Variants in FAM135A observed in about 807,000 individuals in gnomAD.
FAM135A encodes the protein family with sequence similarity 135 member A.
A neutral mutation model predicts 146.8 loss-of-function variants in FAM135A; 79 were observed. The ratio of observed to expected loss-of-function variants is 0.54; its 90% CI spans 0.45 to 0.65. FAM135A has a LOEUF of 0.65. Among genes scored for constraint, FAM135A ranks in the 30% least tolerant of loss-of-function variants. The pLI, the probability that FAM135A is intolerant of heterozygous loss-of-function variation, is 0.00. For missense variants in FAM135A, 1,623 were observed against 1,758.2 expected, an observed-to-expected ratio of 0.92 and a Z score of 1.38; for synonymous variants, 562 against 603.6, an observed-to-expected ratio of 0.93 and a Z score of 1.01.
At chr6:70,490,713 AAT>A (rs954305111) in intron 10 of FAM135A, among the ~76,000 whole-genome samples, 1 of 152,074 alleles carries the variant, frequency 6.6e-6, no homozygotes, top group African/African-American at 2.4e-5. Flanking sequence ...GAAATTATAA[AAT>A]ATGAAATACA....
chr6:70,429,998 A>G (rs1477664673), intron 4 of FAM135A, among the ~76,000 whole-genome samples: 1 of 152,030 alleles, frequency 6.6e-6, no homozygotes, highest in Non-Finnish European at 1.5e-5. Context: ...ATTTCTTAGC[A>G]GGCCAGCCTG....
intron 7 of FAM135A, 38 bp downstream of exon 7, chr6:70,475,771 A>C: frequency 6.8e-7 from 1 of 1,474,348 alleles, no homozygotes; most frequent in Non-Finnish European, 9.4e-7. Flanking sequence ...TTAGGCACTT[A>C]TGACTGTTAT....
At chr6:70,435,614 G>A (rs544624021) in intron 4 of FAM135A, among the ~76,000 whole-genome samples, 7 of 151,748 alleles carry the variant, frequency 4.6e-5, no homozygotes, top group South Asian at 2.1e-4. Context: ...CCACCTCCCC[G>A]GATCAAGCAA....
chr6:70,423,124 C>T lies in FAM135A; in HGVS notation c.-133-3315C>T, dbSNP rs533256063. On this transcript the variant is annotated intron_variant, in intron 2 of 21. Coordinates refer to ENST00000418814, the MANE Select transcript of FAM135A (RefSeq NM_001162529.3). ...GAGAGAAGAATGTTCCAGGGAACAA[C>T]GAGTGCAGAGGCCCTGAGACAGGAA... Among the ~76,000 whole-genome samples, 69 of 152,098 alleles carry T rather than the reference C, an allele frequency of 4.5e-4. 1 individual carries two copies. In the South Asian group the frequency reaches 0.013, roughly 28 times the overall value.
In FAM135A at chr6:70,479,155, A is replaced by G. The variant is rs1783211937; in HGVS notation, c.543-1746A>G. On this transcript the variant is annotated intron_variant, in intron 8 of 21. Transcript: ENST00000418814. ...ACTAGCTGTGTTTCTTTCCTGCAAA[A>G]TGCACAAACAATTCATAGGAGGTTA... Among the ~76,000 whole-genome samples, 3 of 152,186 alleles carry G rather than the reference A, an allele frequency of 2.0e-5. No homozygotes were observed. In the South Asian group the frequency reaches 6.2e-4, roughly 31 times the overall value.
chr6:70,417,614 G>T, intron 2 of FAM135A: 1 of 985,208 alleles, frequency 1.0e-6, no homozygotes, highest in African/African-American at 1.7e-5. Context: ...AAATACCCTT[G>T]AAGTTGCCTA....
chr6:70,449,556 A>G (rs1776587789), intron 4 of FAM135A, among the ~76,000 whole-genome samples: 1 of 152,152 alleles, frequency 6.6e-6, no homozygotes. Context: ...CTCTAGGTTC[A>G]TTCATGTTGT....
intron 12 of FAM135A, among the ~76,000 whole-genome samples, chr6:70,508,503 G>T (rs1299154208): frequency 1.3e-5 from 2 of 152,064 alleles, no homozygotes; most frequent in African/African-American, 4.8e-5. Context: ...ATTGTAACTT[G>T]TGTCTGGAAT....
chr6:70,417,649 A>G, intron 2 of FAM135A: 4 of 984,898 alleles, frequency 4.1e-6, no homozygotes, highest in Non-Finnish European at 3.6e-6. Context: ...TTCATTCATG[A>G]TTGTTTTTAG....
intron 5 of FAM135A, among the ~76,000 whole-genome samples, chr6:70,470,424 G>A (rs567850764): frequency 2.0e-5 from 3 of 152,098 alleles, no homozygotes; most frequent in South Asian, 2.1e-4. Context: ...GCACAATCTC[G>A]GCTCACTCTG....
At chr6:70,446,708 A>G (rs893589664) in intron 4 of FAM135A, among the ~76,000 whole-genome samples, 2 of 152,196 alleles carry the variant, frequency 1.3e-5, no homozygotes. Flanking sequence ...AATATGCCCA[A>G]TAAGGATAAT....
chr6:70,525,666 C>G lies in FAM135A; in HGVS notation c.2582C>G (p.Pro861Arg). 1 of 1,612,524 alleles carries G rather than the reference C, an allele frequency of 6.2e-7. No homozygotes were observed. Among genetic ancestry groups the G allele is most frequent in the Non-Finnish European group, 8.5e-7 (1 of 1,179,426 alleles). Residue 861 changes from proline to arginine, a missense_variant, in exon 15 of 22, where the codon CCT becomes CGT. Pro to Arg is a moderately radical substitution (Grantham distance 103). Coordinates refer to ENST00000418814, the MANE Select transcript of FAM135A (RefSeq NM_001162529.3). Reference protein sequence around the residue: ...PDENSKKSVVPECHLNDSKTV... With the variant: ...PDENSKKSVVRECHLNDSKTV... ...GAAAATTCTAAGAAATCTGTTGTAC[C>G]TGAATGCCATCTAAATGATAGCAAA...
intron 20 of FAM135A, among the ~76,000 whole-genome samples, chr6:70,549,613 A>T (rs1799451426): frequency 6.6e-6 from 1 of 151,938 alleles, no homozygotes; most frequent in South Asian, 2.1e-4. Context: ...CATTATATCT[A>T]AAAAAAAGTA....
intron 11 of FAM135A, among the ~76,000 whole-genome samples, chr6:70,498,009 C>G (rs937312056): frequency 1.3e-5 from 2 of 152,146 alleles, no homozygotes; most frequent in African/African-American, 4.8e-5. Flanking sequence ...AGGCAGGAGT[C>G]CCTACTTTTC....
chr6:70,477,497 G>A (rs1393073468), intron 8 of FAM135A, among the ~76,000 whole-genome samples, 165 bp downstream of exon 8: 2 of 152,084 alleles, frequency 1.3e-5, no homozygotes, highest in Non-Finnish European at 2.9e-5. Context: ...GGAGGCCTCA[G>A]GAAACTTATA....
At chr6:70,450,194 C>CT (rs1419549864) in intron 4 of FAM135A, among the ~76,000 whole-genome samples, 16 of 151,452 alleles carry the variant, frequency 1.1e-4, no homozygotes, top group Admixed American at 3.3e-4. Context: ...AATATTTAAA[C>CT]TTTTTTTTTC....
In FAM135A at chr6:70,556,778, A is replaced by G; in HGVS notation, c.4257A>G (p.Leu1419=). The change falls in exon 21 of 22, where the codon CTA becomes CTG. Residue 1419 remains leucine, a synonymous_variant. Transcript: ENST00000418814. ...AGLHYFKNVV[L]VGSLQDRYVP... is the part of the protein sequence containing the mutation. ...TTCATTATTTCAAAAATGTTGTGCT[A>G]GTGGGATCCCTACAGGATCGCTATG... 2 of 1,612,762 alleles carry G rather than the reference A, an allele frequency of 1.2e-6. No homozygotes were observed. Among genetic ancestry groups the G allele is most frequent in the Admixed American group, 1.7e-5 (1 of 59,776 alleles).
At chr6:70,481,242 A>G (rs1783647225) in intron 9 of FAM135A, among the ~76,000 whole-genome samples, 1 of 152,228 alleles carries the variant, frequency 6.6e-6, no homozygotes, top group Non-Finnish European at 1.5e-5. Context: ...GTGGATAGAC[A>G]TCTGTGACAG....
chr6:70,473,425 CTT>C (rs145117586), intron 5 of FAM135A, among the ~76,000 whole-genome samples: 7,016 of 152,224 alleles, frequency 0.046, 355 homozygotes, highest in African/African-American at 0.11. Context: ...ATTTACATGT[CTT>C]TATCTAAATA....
Sources: allele counts gnomAD v4.1 joint callset (sites outside exome capture counted in the v4.1 genomes callset), GRCh38; gene constraint gnomAD v4.1.1; transcripts MANE v1.5; gene names NCBI Gene and HGNC (gene_info 2026-07-23, HGNC 2026-07-21).